Variants in PRELID3B observed in about 807,000 individuals in gnomAD.
PRELID3B encodes the protein PRELI domain containing protein 3B.
In PRELID3B, 15 loss-of-function variants were observed where a neutral mutation model predicts 24.0. The ratio of observed to expected loss-of-function variants is 0.63; its 90% CI spans 0.42 to 0.96. PRELID3B has a LOEUF of 0.96. Ranked by LOEUF, PRELID3B falls within the 40% of genes least tolerant of loss-of-function variation. PRELID3B has a pLI of 0.00. For synonymous variants in PRELID3B, 62 were observed against 76.0 expected (o/e 0.82, Z 0.96); for missense variants, 189 against 236.0 (o/e 0.80, Z 1.30).
intron 2 of PRELID3B, among the ~76,000 whole-genome samples, chr20:59,037,562 CG>C (rs1568697834): frequency 1.3e-5 from 2 of 152,172 alleles, no homozygotes; most frequent in Non-Finnish European, 2.9e-5. Context: ...CGCGGTGCGA[CG>C]GTGGAGCGCT....
chr20:59,033,759 T>C lies in PRELID3B; in HGVS notation c.*1248A>G, dbSNP rs1043594063. ...CATCTTCTAGCAAAAATAGTCTCTA[T>C]GCAACAATTGCAAATGTCAAAGCTA... On this transcript the variant is annotated 3_prime_UTR_variant, in exon 6 of 6. Coordinates refer to ENST00000355937, the MANE Select transcript of PRELID3B (RefSeq NM_016045.3). 6 of 152,362 alleles carry C rather than the reference T, an allele frequency of 3.9e-5. No homozygotes were observed. The highest frequency in any genetic ancestry group is 1.4e-4 in the African/African-American group (6 of 41,584). 9.4% of individuals were successfully genotyped at this position (152,362 alleles called of 1,614,324 possible). A position where few individuals can be genotyped will look rare whatever the true frequency, so the allele number is the denominator to read the frequency against.
At position 59,038,554 on chromosome 20, in the gene PRELID3B, A is replaced by G. The variant is rs747522462; in HGVS notation, c.113T>C (p.Val38Ala). The G allele has an allele frequency of 3.1e-6, 5 of 1,613,492 alleles. No individual in the cohort carries two copies. In the South Asian group the frequency reaches 5.5e-5, roughly 18 times the overall value. Reference protein sequence around the residue: ...PMNPSVVGVDVLDRHIDPSGK... With the variant: ...PMNPSVVGVDALDRHIDPSGK... Reference sequence around the variant, plus strand: ...AGAGGGATCTATATGTCTGTCCAACACATCAACTCCAACCACACTTGGGTT... The same window carrying G: ...AGAGGGATCTATATGTCTGTCCAACGCATCAACTCCAACCACACTTGGGTT... Residue 38 changes from valine to alanine, a missense_variant, in exon 2 of 6, where the codon GTG becomes GCG. Coordinates refer to ENST00000355937, the MANE Select transcript of PRELID3B (RefSeq NM_016045.3).
intron 1 of PRELID3B, among the ~76,000 whole-genome samples, chr20:59,039,924 G>A (rs911307275): frequency 1.3e-5 from 2 of 152,158 alleles, no homozygotes; most frequent in Non-Finnish European, 2.9e-5. Context: ...AAGCAGAGTT[G>A]CTTCATCAAT....
At chr20:59,041,945 G>T (rs2092113289) in intron 1 of PRELID3B, among the ~76,000 whole-genome samples, 5 of 152,202 alleles carry the variant, frequency 3.3e-5, no homozygotes, top group Admixed American at 3.3e-4. Context: ...ACCTAGAAGA[G>T]AATATAATTC....
Position 59,034,474 on chromosome 20 carries a change from T to C in PRELID3B, c.*533A>G, listed in dbSNP as rs1255569765. 6.5e-6 allele frequency: 1 copy of C among 152,686 alleles called. No homozygotes were observed. The highest frequency in any genetic ancestry group is 2.1e-4 in the South Asian group (1 of 4,838). 9.5% of individuals were successfully genotyped at this position (152,686 alleles called of 1,614,324 possible). ...AGTGATAATTTTCACTCCAAAAATA[T>C]TTAAGTACCAAATCAAAACACTGGT... On this transcript the variant is annotated 3_prime_UTR_variant, in exon 6 of 6. Coordinates refer to ENST00000355937, the MANE Select transcript of PRELID3B (RefSeq NM_016045.3).
chr20:59,037,623 AG>A (rs2092083288), intron 2 of PRELID3B, among the ~76,000 whole-genome samples: 1 of 152,228 alleles, frequency 6.6e-6, no homozygotes, highest in East Asian at 1.9e-4. Context: ...AGCTAGAAAA[AG>A]GAGAACTCAA....
At chr20:59,041,279 C>G (rs1262129111) in intron 1 of PRELID3B, among the ~76,000 whole-genome samples, 1 of 152,172 alleles carries the variant, frequency 6.6e-6, no homozygotes, top group African/African-American at 2.4e-5. Context: ...CCACAAATTT[C>G]GGGTCTTTTT....
In PRELID3B at chr20:59,040,478, C is replaced by G. The variant is rs918704553; in HGVS notation, c.33-1844G>C. Among the ~76,000 whole-genome samples the G allele has an allele frequency of 1.3e-5, 2 of 152,186 alleles. No homozygotes were observed. The highest frequency in any genetic ancestry group is 4.8e-5 in the African/African-American group (2 of 41,434). On this transcript the variant is annotated intron_variant, in intron 1 of 5. Transcript: ENST00000355937. This position sits in a 1 kb window ranked among gnomAD's most constrained non-coding sequence, Gnocchi z 4.1. ...CTTGATTTACTTATGAAAATGTAATCAATCCAAAGAACAGTGGCTGACACA... is the reference window on the plus strand; with the variant it reads ...CTTGATTTACTTATGAAAATGTAATGAATCCAAAGAACAGTGGCTGACACA...
Position 59,034,618 on chromosome 20 carries a change from G to A in PRELID3B, c.*389C>T, listed in dbSNP as rs2092056680. 2 of 161,634 alleles carry A rather than the reference G, an allele frequency of 1.2e-5. No individual in the cohort carries two copies. The highest frequency in any genetic ancestry group is 6.2e-5 in the Admixed American group (1 of 16,038). 10.0% of individuals were successfully genotyped at this position (161,634 alleles called of 1,614,324 possible). ...AGCTGCTGAAGTGTACAGCAGCAGG[G>A]CAATGGGCGTCTATAGGAGGTGGCT... is the stretch of plus-strand genomic sequence containing the variant. On this transcript the variant is annotated 3_prime_UTR_variant, in exon 6 of 6. Transcript: ENST00000355937.
chr20:59,038,692 A>G lies in PRELID3B; in HGVS notation c.33-58T>C, dbSNP rs62205424. 5,467 of 1,498,998 alleles carry G rather than the reference A, an allele frequency of 3.6e-3. 21 individuals are homozygous for G. The highest frequency in any genetic ancestry group is 4.5e-3 in the Non-Finnish European group (5,106 of 1,125,048). 92.9% of individuals were successfully genotyped at this position (1,498,998 alleles called of 1,614,324 possible). ...AATTCAGACATTTAAAATTATGCAT[A>G]TGAGTTAAACAATTTTTATAATCTA... On this transcript the variant is annotated intron_variant, in intron 1 of 5. Transcript: ENST00000355937.
intron 4 of PRELID3B, 42 bp downstream of exon 4, chr20:59,036,648 A>C: frequency 1.9e-6 from 3 of 1,577,664 alleles, no homozygotes; most frequent in Non-Finnish European, 2.6e-6. Context: ...AAAAACCTTA[A>C]ACACCCTTTA....
intron 5 of PRELID3B, 96 bp from the exon 6 acceptor site, chr20:59,035,222 GT>G: frequency 8.7e-7 from 1 of 1,151,404 alleles, no homozygotes; most frequent in Non-Finnish European, 1.2e-6. Flanking sequence ...GGCGTGACAA[GT>G]TTAACTCAAT....
rs1366551521 is a variant in PRELID3B at position 59,033,400 on chromosome 20, A to G, written c.*1607T>C. 1 of 152,236 alleles carries G rather than the reference A, an allele frequency of 6.6e-6. No individual in the cohort carries two copies. The highest frequency in any genetic ancestry group is 2.4e-5 in the African/African-American group (1 of 41,468). The allele number at this position is 152,236 out of a possible 1,614,324, so 9.4% of individuals were successfully genotyped here. ...AATATTAGGGCATTACACCTTTTTC[A>G]GAACAAGGATAATTTACAGAAATTA... On this transcript the variant is annotated 3_prime_UTR_variant, in exon 6 of 6. Coordinates refer to ENST00000355937, the MANE Select transcript of PRELID3B (RefSeq NM_016045.3).
At chr20:59,041,593 G>A (rs571370523) in intron 1 of PRELID3B, among the ~76,000 whole-genome samples, 151 of 152,220 alleles carry the variant, frequency 9.9e-4, no homozygotes, top group African/African-American at 3.4e-3. Flanking sequence ...AAATTAGCCG[G>A]GCGCGGTGGT....
At position 59,033,767 on chromosome 20, in the gene PRELID3B, T is replaced by C. The variant is rs1317561619; in HGVS notation, c.*1240A>G. 4 of 152,220 alleles carry C rather than the reference T, an allele frequency of 2.6e-5. No individual in the cohort carries two copies. Among genetic ancestry groups the C allele is most frequent in the South Asian group, 2.1e-4 (1 of 4,838 alleles). 9.4% of individuals were successfully genotyped at this position (152,220 alleles called of 1,614,324 possible). ...AGCAAAAATAGTCTCTATGCAACAA[T>C]TGCAAATGTCAAAGCTATTATTTAG... On this transcript the variant is annotated 3_prime_UTR_variant, in exon 6 of 6. Coordinates refer to ENST00000355937, the MANE Select transcript of PRELID3B (RefSeq NM_016045.3).
rs948177554 is a variant in PRELID3B, at chr20:59,036,589, T to G, written c.363-16A>C. The stretch of plus-strand genomic sequence containing the variant: ...CAAAACAGTTCTGGAACAAAACATA[T>G]TCACACAGGTTCAGATGACCCAGCT... On this transcript the variant is annotated splice_polypyrimidine_tract_variant and intron_variant, in intron 4 of 5. Transcript: ENST00000355937. 6.2e-7 allele frequency: 1 copy of G among 1,606,134 alleles called. No homozygotes were observed. Among genetic ancestry groups the G allele is most frequent in the African/African-American group, 1.4e-5 (1 of 73,070 alleles).
chr20:59,038,575 G>A lies in PRELID3B; in HGVS notation c.92C>T (p.Pro31Leu). The A allele has an allele frequency of 1.2e-6, 2 of 1,612,926 alleles. No homozygotes were observed. Among genetic ancestry groups the A allele is most frequent in the Non-Finnish European group, 1.7e-6 (2 of 1,179,760 alleles). ...AMQKYPNPMN[P>L]SVVGVDVLDR... ...CAACACATCAACTCCAACCACACTT[G>A]GGTTCATAGGGTTTGGGTATTTCTG... The change falls in exon 2 of 6, where the codon CCA becomes CTA. Residue 31 changes from proline to leucine, a missense_variant. Pro to Leu is a moderately conservative substitution (Grantham distance 98). Transcript: ENST00000355937.
chr20:59,034,956 G>A lies in PRELID3B; in HGVS notation c.*51C>T. On this transcript the variant is annotated 3_prime_UTR_variant, in exon 6 of 6. Coordinates refer to ENST00000355937, the MANE Select transcript of PRELID3B (RefSeq NM_016045.3). ...TTTTAAAATAACAAATAAATATATA[G>A]TCAGTTTGGAGAGACCTGGAGTACC... 9 of 1,381,438 alleles carry A rather than the reference G, an allele frequency of 6.5e-6. No individual in the cohort carries two copies. The highest frequency in any genetic ancestry group is 2.7e-5 in the East Asian group (1 of 37,704). The allele number at this position is 1,381,438 out of a possible 1,614,324, so 85.6% of individuals were successfully genotyped here. A position where few individuals can be genotyped will look rare whatever the true frequency, so the allele number is the denominator to read the frequency against.
intron 5 of PRELID3B, 125 bp downstream of exon 5, chr20:59,036,346 G>A (rs1049151743): frequency 4.8e-5 from 34 of 703,222 alleles, no homozygotes; most frequent in Non-Finnish European, 7.6e-5. Flanking sequence ...ACTGCCCAAC[G>A]TGCTGCAGTT....
Sources: gnomAD v4.1 joint callset for allele counts (sites outside exome capture counted in the v4.1 genomes callset) on GRCh38, gnomAD v4.1.1 for gene constraint, Gnocchi (gnomAD v3.1) non-coding constraint, MANE v1.5 for transcripts, NCBI Gene and HGNC (gene_info 2026-07-23, HGNC 2026-07-21) for gene names.